ABCG2: variants seen among roughly 807,000 people sequenced by gnomAD.
ABCG2 encodes ATP binding cassette subfamily G member 2 (JR blood group).
In ABCG2, 80 loss-of-function variants were observed where a neutral mutation model predicts 73.5. The ratio of observed to expected loss-of-function variants is 1.09; its 90% CI spans 0.91 to 1.31. The LOEUF (loss-of-function observed/expected upper bound fraction) is 1.31, where lower values mean the gene tolerates loss of function less well. Among genes scored for constraint, ABCG2 ranks in the 50% most tolerant of loss-of-function variants. The pLI, the probability that ABCG2 is intolerant of heterozygous loss-of-function variation, is 0.00. For synonymous variants in ABCG2, 269 were observed against 282.4 expected (o/e 0.95, Z 0.48); for missense variants, 796 against 786.2 (o/e 1.01, Z -0.15).
intron 1 of ABCG2, among the ~76,000 whole-genome samples, chr4:88,147,091 A>G (rs1283268429): frequency 6.6e-6 from 1 of 151,054 alleles, no homozygotes; most frequent in Admixed American, 6.6e-5. Flanking sequence ...GAAAAGAAAA[A>G]AGAAGAGAGA....
At chr4:88,101,111 T>G (rs1159197849) in intron 11 of ABCG2, 119 bp downstream of exon 11, 2 of 718,536 alleles carry the variant, frequency 2.8e-6, no homozygotes, top group East Asian at 5.4e-5. Flanking sequence ...AAAAATAAAT[T>G]TTAAAAAGTA....
Position 88,172,279 on chromosome 4 carries a change from A to T in ABCG2, c.-19-32265T>A, listed in dbSNP as rs1365112198. On this transcript the variant is annotated intron_variant, in intron 1 of 15. Coordinates refer to the ABCG2 transcript ENST00000515655. ...ACTGCACTCCAGCCTGGGCAACAAG[A>T]GCAAAGCTCCGTCACAAAAAAAAAA... Among the ~76,000 whole-genome samples the T allele has an allele frequency of 5.4e-5, 7 of 129,584 alleles. No individual in the cohort carries two copies. In the Admixed American group the frequency reaches 5.6e-4, roughly 10 times the overall value. The allele number at this position is 129,584 out of a possible 152,430, so 85.0% of individuals were successfully genotyped here. A position where few individuals can be genotyped will look rare whatever the true frequency, so the allele number is the denominator to read the frequency against.
chr4:88,097,837 C>T (rs2110178955), intron 12 of ABCG2, among the ~76,000 whole-genome samples: 1 of 152,350 alleles, frequency 6.6e-6, no homozygotes, highest in South Asian at 2.1e-4. Context: ...CAGACAATTT[C>T]TGAGTTCCTG....
intron 1 of ABCG2, among the ~76,000 whole-genome samples, chr4:88,173,948 G>C (rs1727856671): frequency 1.3e-5 from 2 of 152,170 alleles, no homozygotes; most frequent in African/African-American, 4.8e-5. Flanking sequence ...TCTCAGACTT[G>C]TTTAGTTAAA....
chr4:88,161,933 C>A (rs969719554), upstream of ABCG2, among the ~76,000 whole-genome samples: 52 of 147,592 alleles, frequency 3.5e-4, 1 homozygote, highest in African/African-American at 1.3e-3. Context: ...TGATGATGAG[C>A]ATTTCTTCAT....
At chr4:88,120,092 C>T (rs1338014981) in intron 6 of ABCG2, among the ~76,000 whole-genome samples, 1 of 152,198 alleles carries the variant, frequency 6.6e-6, no homozygotes, top group African/African-American at 2.4e-5. Context: ...AGTCTCGAGA[C>T]TTGGTACCCT....
chr4:88,227,070 C>T (rs567270158), intron 1 of ABCG2, among the ~76,000 whole-genome samples: 1 of 151,894 alleles, frequency 6.6e-6, no homozygotes, highest in Non-Finnish European at 1.5e-5. Context: ...ACTGCACTCC[C>T]GCCTGGGTGA....
intron 1 of ABCG2, among the ~76,000 whole-genome samples, chr4:88,216,736 A>G (rs2110127561): frequency 6.6e-6 from 1 of 152,268 alleles, no homozygotes; most frequent in South Asian, 2.1e-4. Context: ...TCTGGATAAA[A>G]TTTTGCACTG....
chr4:88,122,729 G>C (rs35155973), intron 5 of ABCG2, among the ~76,000 whole-genome samples: 29,825 of 152,166 alleles, frequency 0.2, 3,974 homozygotes, highest in Non-Finnish European at 0.29. Flanking sequence ...GGAGGCTGTG[G>C]GCACAGCTTC....
At chr4:88,159,176 C>A, upstream of ABCG2, 1 of 456,358 alleles carries the variant, frequency 2.2e-6, no homozygotes. Context: ...CTACGAGAAT[C>A]ACCAGGCGCT....
In ABCG2 at chr4:88,092,129, T is replaced by C. The variant is rs1721676188; in HGVS notation, c.*105A>G. On this transcript the variant is annotated 3_prime_UTR_variant, in exon 16 of 16. Transcript: ENST00000237612. The stretch of plus-strand genomic sequence containing the variant: ...TAAAACAATTGCTGCTGTGCAACAG[T>C]GTGATGGCAAGGGAACAGAAAACAA... 5.9e-6 allele frequency: 6 copies of C among 1,013,646 alleles called. No individual in the cohort carries two copies. The highest frequency in any genetic ancestry group is 4.9e-5 in the African/African-American group (3 of 61,088). The allele number at this position is 1,013,646 out of a possible 1,614,324, so 62.8% of individuals were successfully genotyped here.
chr4:88,121,309 C>CAGA (rs1164931931), intron 6 of ABCG2, among the ~76,000 whole-genome samples: 11 of 152,092 alleles, frequency 7.2e-5, no homozygotes, highest in African/African-American at 2.7e-4. Context: ...AAGGTCTACT[C>CAGA]AGAAAACTAC....
At chr4:88,223,375 C>T (rs367878066) in intron 1 of ABCG2, among the ~76,000 whole-genome samples, 5 of 152,066 alleles carry the variant, frequency 3.3e-5, no homozygotes, top group African/African-American at 1.2e-4. Context: ...ACAGGAGGGA[C>T]CCAGTGGGAG....
In ABCG2 at chr4:88,132,575, C is replaced by T. The variant is rs767710822; in HGVS notation, c.263+1G>A. On this transcript the variant is annotated splice_donor_variant, in intron 3 of 15. Transcript: ENST00000237612. LOFTEE classifies it high-confidence loss of function. The stretch of plus-strand genomic sequence containing the variant: ...GCTTACTTATACTCTCTTATACTCA[C>T]GAAGATTTGCCTCCACCTGTGGGTC... The T allele has an allele frequency of 1.6e-5, 26 of 1,613,998 alleles. No individual in the cohort carries two copies. Among genetic ancestry groups the T allele is most frequent in the East Asian group, 2.2e-5 (1 of 44,888 alleles).
intron 1 of ABCG2, among the ~76,000 whole-genome samples, chr4:88,210,599 T>TC (rs1287215225): frequency 6.6e-6 from 1 of 150,406 alleles, no homozygotes; most frequent in African/African-American, 2.4e-5. Flanking sequence ...TCTTTTCTTT[T>TC]TTTTTTTCTA....
At chr4:88,124,778 A>C (rs1240056630) in intron 5 of ABCG2, among the ~76,000 whole-genome samples, 2 of 152,190 alleles carry the variant, frequency 1.3e-5, no homozygotes, top group Non-Finnish European at 2.9e-5. Context: ...GATATTCAGG[A>C]CTTGAACTCA....
At position 88,097,423 on chromosome 4, in the gene ABCG2, C is replaced by T; in HGVS notation, c.1647+30G>A. 1.9e-6 allele frequency: 3 copies of T among 1,604,798 alleles called. No individual in the cohort carries two copies. In the South Asian group the frequency reaches 3.4e-5, roughly 18 times the overall value. On this transcript the variant is annotated intron_variant, in intron 13 of 15. Transcript: ENST00000237612. Reference sequence around the variant, plus strand: ...AAGAAATGAAGGAAAAAAACAATTCCTTATCAGAGCAAACACAGTTCAGAC... The same window carrying T: ...AAGAAATGAAGGAAAAAAACAATTCTTTATCAGAGCAAACACAGTTCAGAC...
intron 1 of ABCG2, among the ~76,000 whole-genome samples, chr4:88,211,383 A>G (rs1345598464): frequency 1.2e-5 from 1 of 86,908 alleles, no homozygotes; most frequent in Non-Finnish European, 2.1e-5. Context: ...ACTTTTGGAG[A>G]CCCCAGTGTC....
chr4:88,117,970 TG>T (rs1723707426), intron 7 of ABCG2, 138 bp downstream of exon 7: 1 of 799,128 alleles, frequency 1.3e-6, no homozygotes, highest in African/African-American at 1.8e-5. Context: ...TAGCACCAAA[TG>T]GAACAAACAC....
Sources: gnomAD v4.1 joint callset for allele counts (sites outside exome capture counted in the v4.1 genomes callset) on GRCh38, gnomAD v4.1.1 for gene constraint, MANE v1.5 for transcripts, NCBI Gene and HGNC (gene_info 2026-07-23, HGNC 2026-07-21) for gene names.